STXBP5L: variants seen among roughly 807,000 people sequenced by gnomAD.
STXBP5L encodes the protein syntaxin binding protein 5L.
STXBP5L carries 65 observed loss-of-function variants against 144.5 expected under a neutral mutation model. The ratio of observed to expected loss-of-function variants is 0.45; its 90% confidence interval spans 0.37 to 0.55. The LOEUF is 0.55. Among genes scored for constraint, STXBP5L ranks in the 20% least tolerant of loss-of-function variants. The pLI is 0.00. For synonymous variants in STXBP5L, 505 were observed against 469.6 expected (o/e 1.08, Z -0.97); for missense variants, 1,298 against 1,405.5 (o/e 0.92, Z 1.22).
rs563536940 is a variant in STXBP5L, at chr3:121,052,444, C to T, written c.470+6909C>T. ...TGGGATGGAAGGCTGGTTCAATATACGCAAATCAATAAATGTAATCCAGCA... is the reference window on the plus strand; with the variant it reads ...TGGGATGGAAGGCTGGTTCAATATATGCAAATCAATAAATGTAATCCAGCA... On this transcript the variant is annotated intron_variant, in intron 5 of 26. Transcript: ENST00000471454. Among the ~76,000 whole-genome samples, 420 of 152,196 alleles carry T rather than the reference C, an allele frequency of 2.8e-3. 1 individual carries two copies. Among genetic ancestry groups the T allele is most frequent in the African/African-American group, 9.0e-3 (375 of 41,530 alleles).
rs544034329 is a variant in STXBP5L, at chr3:121,292,381, C to A, written c.2110+12425C>A. 3.3e-5 allele frequency among the ~76,000 whole-genome samples: 5 copies of A among 152,152 alleles called. No homozygotes were observed. The East Asian group carries it at 5.8e-4, about 18-fold the overall frequency. On this transcript the variant is annotated intron_variant, in intron 19 of 26. Coordinates refer to ENST00000471454, the MANE Select transcript of STXBP5L (RefSeq NM_001308330.2). ...GCAAGAATGGCCGTAATTTAAAAATCAAAAATAATACATGTTAGCATGGAT... is the reference window on the plus strand; with the variant it reads ...GCAAGAATGGCCGTAATTTAAAAATAAAAAATAATACATGTTAGCATGGAT...
chr3:121,358,063 A>T (rs573562623), intron 20 of STXBP5L: 3 of 152,258 alleles, frequency 2.0e-5, no homozygotes, highest in Non-Finnish European at 4.4e-5. Context: ...AAATAACCAT[A>T]TAATGGACAA....
chr3:121,070,512 A>T (rs554070795), intron 5 of STXBP5L, among the ~76,000 whole-genome samples: 4 of 152,144 alleles, frequency 2.6e-5, no homozygotes, highest in Non-Finnish European at 5.9e-5. Context: ...CTATTAGGTT[A>T]TAGTTATTTT....
chr3:121,078,588 G>A (rs1233006209), intron 5 of STXBP5L, among the ~76,000 whole-genome samples: 1 of 152,240 alleles, frequency 6.6e-6, no homozygotes, highest in African/African-American at 2.4e-5. Flanking sequence ...AGGGGGTGGT[G>A]CTCTTTGGGG....
chr3:120,999,970 A>G (rs1211095014), intron 3 of STXBP5L, among the ~76,000 whole-genome samples: 1 of 152,182 alleles, frequency 6.6e-6, no homozygotes, highest in African/African-American at 2.4e-5. Context: ...GTTTCTGCTG[A>G]AAGTTCTGCT....
intron 5 of STXBP5L, among the ~76,000 whole-genome samples, chr3:121,098,389 A>G (rs1427358805): frequency 6.6e-6 from 1 of 152,162 alleles, no homozygotes; most frequent in African/African-American, 2.4e-5. Flanking sequence ...TCTTTTAAAC[A>G]ACTAGGTCTC....
At chr3:121,287,690 G>A (rs925769488) in intron 19 of STXBP5L, among the ~76,000 whole-genome samples, 9 of 152,028 alleles carry the variant, frequency 5.9e-5, no homozygotes, top group East Asian at 1.9e-4. Flanking sequence ...TTAGCTGGGC[G>A]TGGTGGCGGG....
intron 18 of STXBP5L, among the ~76,000 whole-genome samples, chr3:121,271,570 G>T (rs2050735535): frequency 6.6e-6 from 1 of 152,026 alleles, no homozygotes; most frequent in South Asian, 2.1e-4. Context: ...AACAAACATT[G>T]AACACTTTTT....
At chr3:121,274,843 G>A (rs573596536) in intron 18 of STXBP5L, among the ~76,000 whole-genome samples, 2 of 152,254 alleles carry the variant, frequency 1.3e-5, no homozygotes, top group Admixed American at 6.5e-5. Context: ...TGGGTCCAGC[G>A]ACAACAGGGT....
intron 3 of STXBP5L, among the ~76,000 whole-genome samples, chr3:121,020,926 A>G (rs981566271): frequency 6.6e-6 from 1 of 152,080 alleles, no homozygotes; most frequent in African/African-American, 2.4e-5. Context: ...TCTCAATGCT[A>G]ACATTGAATG....
rs1264507104 is a variant in STXBP5L at position 121,045,491 on chromosome 3, A to C, written c.426A>C (p.Gln142His). Residue 142 changes from glutamine (Q) to histidine (H), a missense_variant, in exon 5 of 27, where the codon CAA becomes CAC. By Grantham distance (24) the Gln-to-His change is conservative. Coordinates refer to ENST00000471454, the MANE Select transcript of STXBP5L (RefSeq NM_001308330.2). The part of the protein sequence containing the change: ...DDTLHLWNLR[Q>H]KRPAILHSLK... ...CACTTCATTTGTGGAACCTTAGACA[A>C]AAAAGGCCAGCCATACTCCATTCTC... is the stretch of plus-strand genomic sequence containing the variant. 3.1e-6 allele frequency: 5 copies of C among 1,613,216 alleles called. No individual in the cohort carries two copies. Among genetic ancestry groups the C allele is most frequent in the African/African-American group, 1.3e-5 (1 of 74,900 alleles).
rs537883383 is a variant in STXBP5L at position 121,183,567 on chromosome 3, G to C, written c.878-22356G>C. Among the ~76,000 whole-genome samples the C allele has an allele frequency of 4.3e-4, 60 of 141,140 alleles. No homozygotes were observed. In the Admixed American group the frequency reaches 4.4e-3, roughly 10 times the overall value. The allele number at this position is 141,140 out of a possible 152,430, so 92.6% of individuals were successfully genotyped here. A position where few individuals can be genotyped will look rare whatever the true frequency, so the allele number is the denominator to read the frequency against. On this transcript the variant is annotated intron_variant, in intron 9 of 26. Transcript: ENST00000471454. ...CAACAGCAAGCAAGCAAGACAAAGAGAGAAAGAAAAATTGAAAGAAAGGAA... is the reference window on the plus strand; with the variant it reads ...CAACAGCAAGCAAGCAAGACAAAGACAGAAAGAAAAATTGAAAGAAAGGAA...
chr3:121,343,947 C>T (rs942772964), intron 20 of STXBP5L, among the ~76,000 whole-genome samples: 1 of 152,084 alleles, frequency 6.6e-6, no homozygotes, highest in Non-Finnish European at 1.5e-5. Flanking sequence ...CCAAGTCAAT[C>T]CTAAGCCAAA....
intron 19 of STXBP5L, among the ~76,000 whole-genome samples, chr3:121,288,653 T>A (rs2051312719): frequency 6.6e-6 from 1 of 152,202 alleles, no homozygotes; most frequent in Non-Finnish European, 1.5e-5. Context: ...TAGAAAGGTG[T>A]CTATTTATGT....
At chr3:121,283,430 C>T (rs2051126608) in intron 19 of STXBP5L, among the ~76,000 whole-genome samples, 2 of 152,016 alleles carry the variant, frequency 1.3e-5, no homozygotes. Flanking sequence ...ATCCTTCCCA[C>T]TCTCTCTGTT....
intron 9 of STXBP5L, among the ~76,000 whole-genome samples, chr3:121,179,344 T>C (rs1004885041): frequency 2.0e-5 from 3 of 151,034 alleles, no homozygotes; most frequent in Admixed American, 6.6e-5. Context: ...CTCTAAAGCA[T>C]AAAAAATCAA....
intron 5 of STXBP5L, among the ~76,000 whole-genome samples, chr3:121,085,903 AC>A: frequency 6.6e-6 from 1 of 152,058 alleles, no homozygotes; most frequent in Non-Finnish European, 1.5e-5. Flanking sequence ...TGGAGGCACC[AC>A]ACTGACTTCA....
At chr3:121,052,932 A>G (rs1259893725) in intron 5 of STXBP5L, among the ~76,000 whole-genome samples, 1 of 152,206 alleles carries the variant, frequency 6.6e-6, no homozygotes, top group East Asian at 1.9e-4. Context: ...AAAAATCACA[A>G]GCATTCTTAT....
intron 3 of STXBP5L, among the ~76,000 whole-genome samples, chr3:121,039,274 C>T (rs946196991): frequency 2.2e-4 from 34 of 151,802 alleles, no homozygotes; most frequent in African/African-American, 8.0e-4. Context: ...TGCTGATTGC[C>T]TTATGGTTTA....
Sources: allele counts gnomAD v4.1 joint callset (sites outside exome capture counted in the v4.1 genomes callset), GRCh38; gene constraint gnomAD v4.1.1; transcripts MANE v1.5; gene names NCBI Gene and HGNC (gene_info 2026-07-23, HGNC 2026-07-21).